Variants in KLHL6 observed in about 807,000 individuals in gnomAD.
KLHL6 encodes kelch like family member 6.
Under a neutral mutation model 58.6 loss-of-function variants are expected in KLHL6, and 41 were observed. The ratio of observed to expected loss-of-function variants is 0.70; its 90% CI spans 0.55 to 0.91. The LOEUF (loss-of-function observed/expected upper bound fraction) is 0.91, where lower values mean the gene tolerates loss of function less well. Among genes scored for constraint, KLHL6 ranks in the 40% least tolerant of loss-of-function variants. The pLI is 0.00. For synonymous variants in KLHL6, 338 were observed against 322.7 expected (o/e 1.05, Z -0.51); for missense variants, 714 against 805.6 (o/e 0.89, Z 1.38).
chr3:183,497,643 C>T (rs1717750849), intron 4 of KLHL6, among the ~76,000 whole-genome samples: 1 of 152,040 alleles, frequency 6.6e-6, no homozygotes, highest in Non-Finnish European at 1.5e-5. Context: ...GGTGTGACTT[C>T]TCAACTCCCT....
intron 2 of KLHL6, among the ~76,000 whole-genome samples, chr3:183,511,746 C>T (rs935999396): frequency 2.0e-5 from 3 of 152,182 alleles, no homozygotes; most frequent in Admixed American, 6.5e-5. Flanking sequence ...ATCCCTTAAA[C>T]CTTGATTCCA....
chr3:183,549,138 T>C (rs554399205), intron 1 of KLHL6, among the ~76,000 whole-genome samples: 4 of 148,458 alleles, frequency 2.7e-5, no homozygotes, highest in African/African-American at 1.1e-4. Flanking sequence ...ATTCTGCACA[T>C]GTATCCCAGA....
At chr3:183,518,451 A>G (rs1711630300) in intron 2 of KLHL6, among the ~76,000 whole-genome samples, 1 of 152,160 alleles carries the variant, frequency 6.6e-6, no homozygotes, top group Non-Finnish European at 1.5e-5. Flanking sequence ...AGCTTCTCAC[A>G]AAACACCTTG....
At chr3:183,535,793 T>C (rs1436515716) in intron 1 of KLHL6, among the ~76,000 whole-genome samples, 3 of 150,498 alleles carry the variant, frequency 2.0e-5, no homozygotes, top group Non-Finnish European at 2.9e-5. Flanking sequence ...CGAATTCTTT[T>C]TGAGACGAGT....
chr3:183,550,298 A>G (rs1412439098), intron 1 of KLHL6, among the ~76,000 whole-genome samples: 1 of 152,212 alleles, frequency 6.6e-6, no homozygotes, highest in African/African-American at 2.4e-5. Context: ...ATAGTAAACA[A>G]GGAAAACAGT....
chr3:183,514,137 A>G (rs1043831981), intron 2 of KLHL6, among the ~76,000 whole-genome samples: 3 of 152,230 alleles, frequency 2.0e-5, no homozygotes, highest in African/African-American at 7.2e-5. Flanking sequence ...AGCAGAGACA[A>G]AGCGCCTGCG....
intron 2 of KLHL6, among the ~76,000 whole-genome samples, chr3:183,518,475 C>T (rs964196021): frequency 1.3e-5 from 2 of 152,090 alleles, no homozygotes; most frequent in African/African-American, 2.4e-5. Flanking sequence ...TTAGAACATG[C>T]TTAGTAATTT....
Position 183,499,902 on chromosome 3 carries a change from G to T in KLHL6, c.910-75C>A. 8.7e-7 allele frequency: 1 copy of T among 1,147,866 alleles called. No individual in the cohort carries two copies. Among genetic ancestry groups the T allele is most frequent in the Non-Finnish European group, 1.2e-6 (1 of 826,366 alleles). 71.1% of individuals were successfully genotyped at this position (1,147,866 alleles called of 1,614,324 possible). On this transcript the variant is annotated intron_variant, in intron 3 of 6. Transcript: ENST00000341319. This position sits in a 1 kb window ranked among gnomAD's most constrained non-coding sequence, Gnocchi z 4.6. ...AGCTCGGGCTATGGAGCCATTAGGAGTCGGGTCCAATTCCCATATCTGCCA... is the reference window on the plus strand; with the variant it reads ...AGCTCGGGCTATGGAGCCATTAGGATTCGGGTCCAATTCCCATATCTGCCA...
At chr3:183,523,317 T>C (rs1161199318) in intron 2 of KLHL6, among the ~76,000 whole-genome samples, 1 of 152,244 alleles carries the variant, frequency 6.6e-6, no homozygotes, top group African/African-American at 2.4e-5. Flanking sequence ...TCATGCGCAT[T>C]CATCCTATTG....
At chr3:183,542,923 C>G (rs1168256395) in intron 1 of KLHL6, among the ~76,000 whole-genome samples, 1 of 150,270 alleles carries the variant, frequency 6.7e-6, no homozygotes, top group East Asian at 1.9e-4. Context: ...TGGAAATTCA[C>G]TAAGTCCACT....
rs112728249 is a variant in KLHL6, at chr3:183,498,091, G to A, written c.1147+1499C>T. On this transcript the variant is annotated intron_variant, in intron 4 of 6. Transcript: ENST00000341319. ...TGCACTAAAAATACAAAAATTAGCC[G>A]GATGTGGTGCCACGTGCCTGTAATC... 1.8e-4 allele frequency among the ~76,000 whole-genome samples: 28 copies of A among 152,112 alleles called. 1 individual carries two copies. The highest frequency in any genetic ancestry group is 3.4e-3 in the Middle Eastern group (1 of 294).
rs1303164398 is a variant in KLHL6 at position 183,555,349 on chromosome 3, A to G, written c.293+12T>C. The stretch of plus-strand genomic sequence containing the variant: ...TTGCACCCAATTTGACTCTGGTCCT[A>G]GGCATGCTGACCTGAAATAGTTGCT... On this transcript the variant is annotated intron_variant, in intron 1 of 6. Coordinates refer to ENST00000341319, the MANE Select transcript of KLHL6 (RefSeq NM_130446.4). 6.2e-7 allele frequency: 1 copy of G among 1,612,188 alleles called. No individual in the cohort carries two copies. Among genetic ancestry groups the G allele is most frequent in the Non-Finnish European group, 8.5e-7 (1 of 1,178,644 alleles).
intron 2 of KLHL6, among the ~76,000 whole-genome samples, chr3:183,517,714 C>G (rs1007895861): frequency 6.6e-6 from 1 of 152,140 alleles, no homozygotes; most frequent in African/African-American, 2.4e-5. Flanking sequence ...AGCAGGCTAG[C>G]AGGGCACAAC....
At position 183,508,475 on chromosome 3, in the gene KLHL6, G is replaced by C. The variant is rs765686966; in HGVS notation, c.493C>G (p.Leu165Val). Residue 165 changes from leucine to valine, a missense_variant, in exon 3 of 7, where the codon CTC becomes GTC. This residue lies in a region of KLHL6 where 510 missense variants were observed against 629.7 expected (regional missense o/e 0.81). Transcript: ENST00000341319. Reference protein sequence around the residue: ...LRMVDACASFLTEALNPENCV... With the variant: ...LRMVDACASFVTEALNPENCV... ...TTTTCTGGGTTCAAGGCTTCAGTGA[G>C]GAAGCTGGCACAGGCATCCACCATC... is the stretch of plus-strand genomic sequence containing the variant. 6.2e-7 allele frequency: 1 copy of C among 1,613,960 alleles called. No individual in the cohort carries two copies. The highest frequency in any genetic ancestry group is 1.3e-5 in the African/African-American group (1 of 74,900).
intron 2 of KLHL6, among the ~76,000 whole-genome samples, chr3:183,523,842 C>A (rs1197107470): frequency 6.6e-6 from 1 of 152,152 alleles, no homozygotes; most frequent in Non-Finnish European, 1.5e-5. Flanking sequence ...TCACTGCAAC[C>A]TCCCCCTTCC....
In KLHL6 at chr3:183,553,096, G is replaced by T. The variant is rs545412679; in HGVS notation, c.293+2265C>A. Among the ~76,000 whole-genome samples, 8 of 152,274 alleles carry T rather than the reference G, an allele frequency of 5.3e-5. No individual in the cohort carries two copies. In the South Asian group the frequency reaches 1.7e-3, roughly 32 times the overall value. On this transcript the variant is annotated intron_variant, in intron 1 of 6. Transcript: ENST00000341319. ...TCCTGTCTCCAGGACAGTATTCATTGTAGAAGGAAAGTCACGTTGAAAATC... is the reference window on the plus strand; with the variant it reads ...TCCTGTCTCCAGGACAGTATTCATTTTAGAAGGAAAGTCACGTTGAAAATC...
intron 1 of KLHL6, among the ~76,000 whole-genome samples, chr3:183,529,156 G>T (rs1260083150): frequency 2.0e-5 from 3 of 152,192 alleles, no homozygotes; most frequent in Non-Finnish European, 4.4e-5. Flanking sequence ...GGAGGGTAGA[G>T]GGTGGGAAGA....
In KLHL6 at chr3:183,489,485, A is replaced by C. The variant is rs1717485073; in HGVS notation, c.*2442T>G. ...AAACAAGAATATTAACTGGTGGCCTATTTACCTGTATTGAGTGTCTAGCGT... is the reference window on the plus strand; with the variant it reads ...AAACAAGAATATTAACTGGTGGCCTCTTTACCTGTATTGAGTGTCTAGCGT... On this transcript the variant is annotated 3_prime_UTR_variant, in exon 7 of 7. Transcript: ENST00000341319. The C allele has an allele frequency of 1.3e-5, 2 of 152,134 alleles. No individual in the cohort carries two copies. The highest frequency in any genetic ancestry group is 2.4e-5 in the African/African-American group (1 of 41,408). 9.4% of individuals were successfully genotyped at this position (152,134 alleles called of 1,614,324 possible).
In KLHL6 at chr3:183,499,555, G is replaced by A. The variant is rs759290131; in HGVS notation, c.1147+35C>T. On this transcript the variant is annotated intron_variant, in intron 4 of 6. Coordinates refer to ENST00000341319, the MANE Select transcript of KLHL6 (RefSeq NM_130446.4). The surrounding 1 kb of genome is among the most constrained non-coding windows in gnomAD (Gnocchi z 4.6). The stretch of plus-strand genomic sequence containing the variant: ...ACTCAGGAATATATGTAGTGCTACT[G>A]GAGCTTGCTTTGCCTTTACATGACT... 73 of 1,439,412 alleles carry A rather than the reference G, an allele frequency of 5.1e-5. No individual in the cohort carries two copies. Among genetic ancestry groups the A allele is most frequent in the African/African-American group, 1.4e-5 (1 of 70,936 alleles). The allele number at this position is 1,439,412 out of a possible 1,614,324, so 89.2% of individuals were successfully genotyped here. A position where few individuals can be genotyped will look rare whatever the true frequency, so the allele number is the denominator to read the frequency against.
Sources: allele counts gnomAD v4.1 joint callset (sites outside exome capture counted in the v4.1 genomes callset), GRCh38; gene constraint gnomAD v4.1.1; regional missense constraint gnomAD v4.1.1; non-coding constraint Gnocchi (gnomAD v3.1); transcripts MANE v1.5; gene names NCBI Gene and HGNC (gene_info 2026-07-23, HGNC 2026-07-21).